MGRN1: variants seen among roughly 807,000 people sequenced by gnomAD.
The protein encoded by MGRN1 is mahogunin ring finger 1, also known as E3 ubiquitin-protein ligase MGRN1.
Under a neutral mutation model 69.2 loss-of-function variants are expected in MGRN1, and 29 were observed. That is an observed-to-expected ratio of 0.42 (90% CI 0.31 to 0.57). The LOEUF (loss-of-function observed/expected upper bound fraction) is 0.57. Ranked by LOEUF, MGRN1 falls within the 20% of genes least tolerant of loss-of-function variation. MGRN1 has a pLI of 0.15. For missense variants in MGRN1, 998 were observed against 796.2 expected (o/e 1.25, Z -3.05); for synonymous variants, 470 against 344.2 (o/e 1.37, Z -4.04).
chr16:4,683,541 T>G (rs841228), intron 15 of MGRN1, among the ~76,000 whole-genome samples: 76,677 of 150,868 alleles, frequency 0.51, 20,020 homozygotes, highest in East Asian at 0.67. Flanking sequence ...CATGAGCGTG[T>G]AATGTTTCTA....
At chr16:4,688,097 C>T in intron 16 of MGRN1, 1 of 985,586 alleles carries the variant, frequency 1.0e-6, no homozygotes, top group African/African-American at 1.7e-5. Context: ...AAAATAGACG[C>T]CCTTCACCGG....
chr16:4,631,845 C>G (rs78819425), intron 1 of MGRN1, among the ~76,000 whole-genome samples: 4,321 of 151,566 alleles, frequency 0.029, 220 homozygotes, highest in African/African-American at 0.099. Context: ...ACAGTGCTGA[C>G]TCTGGGAATC....
chr16:4,625,004 T>C lies in MGRN1; in HGVS notation c.44T>C (p.Ile15Thr). The change falls in exon 1 of 17, where the codon ATC (isoleucine) becomes ACC (threonine). Residue 15 changes from isoleucine to threonine, a missense_variant. Coordinates refer to ENST00000262370, the MANE Select transcript of MGRN1 (RefSeq NM_015246.4). ...CGCCGCATCGCGGGGGTGGAGGACA[T>C]CGACATCCAGGCGAACTCGGCCTAT... ...LSRRIAGVED[I>T]DIQANSAYRY... 1 of 1,560,878 alleles carries C rather than the reference T, an allele frequency of 6.4e-7. No individual in the cohort carries two copies. The highest frequency in any genetic ancestry group is 1.9e-5 in the Admixed American group (1 of 54,020).
At chr16:4,664,083 G>A (rs1189871528) in intron 5 of MGRN1, 2 of 153,478 alleles carry the variant, frequency 1.3e-5, no homozygotes, top group East Asian at 1.9e-4. Context: ...GCGCACCGGT[G>A]TCCAGTGCAG....
At chr16:4,662,325 G>A (rs1461225741) in intron 5 of MGRN1, among the ~76,000 whole-genome samples, 1 of 152,028 alleles carries the variant, frequency 6.6e-6, no homozygotes. Context: ...GACCAGCTTG[G>A]CCAACATGGT....
At chr16:4,648,525 C>T (rs1342331353) in intron 1 of MGRN1, among the ~76,000 whole-genome samples, 3 of 118,102 alleles carry the variant, frequency 2.5e-5, no homozygotes, top group African/African-American at 1.2e-4. Context: ...CCTCCCGGGG[C>T]TCTTCCCGTG....
intron 16 of MGRN1, chr16:4,686,972 C>T (rs778235149): frequency 2.7e-5 from 27 of 985,338 alleles, no homozygotes; most frequent in Non-Finnish European, 3.1e-5. Flanking sequence ...GAGTATCTTG[C>T]GTCCTGTCCT....
At chr16:4,650,298 C>G (rs1315217933) in intron 1 of MGRN1, 67 bp from the exon 2 acceptor site, 2 of 1,335,426 alleles carry the variant, frequency 1.5e-6, no homozygotes, top group Non-Finnish European at 2.1e-6. Context: ...CCACTGCACT[C>G]TAGCCTGAGA....
intron 9 of MGRN1, among the ~76,000 whole-genome samples, chr16:4,672,981 A>G (rs2078972155): frequency 6.6e-6 from 1 of 152,024 alleles, no homozygotes; most frequent in Non-Finnish European, 1.5e-5. Flanking sequence ...TGGAACTACA[A>G]GCACGTGCCA....
At chr16:4,680,932 G>A (rs2079169019) in intron 12 of MGRN1, among the ~76,000 whole-genome samples, 1 of 152,370 alleles carries the variant, frequency 6.6e-6, no homozygotes, top group Middle Eastern at 3.4e-3. Flanking sequence ...CCTCAACCTG[G>A]TTTTGTGGGG....
chr16:4,649,705 G>T (rs368498740), intron 1 of MGRN1: 36 of 152,726 alleles, frequency 2.4e-4, no homozygotes, highest in African/African-American at 8.4e-4. Context: ...TGGGTGTGGA[G>T]TAGGACCCGA....
chr16:4,645,400 C>T (rs1310314401), intron 1 of MGRN1, among the ~76,000 whole-genome samples: 1 of 152,146 alleles, frequency 6.6e-6, no homozygotes, highest in Admixed American at 6.6e-5. Context: ...AACTCTGGGG[C>T]TCGAGCGATC....
chr16:4,671,485 C>G (rs2078935995), intron 9 of MGRN1, 26 bp downstream of exon 9: 1 of 1,610,180 alleles, frequency 6.2e-7, no homozygotes, highest in South Asian at 1.1e-5. Context: ...AGGTTTCCCT[C>G]TGCCATTACA....
intron 1 of MGRN1, among the ~76,000 whole-genome samples, chr16:4,636,068 C>A (rs1481243316): frequency 6.6e-6 from 1 of 152,006 alleles, no homozygotes; most frequent in Non-Finnish European, 1.5e-5. Flanking sequence ...TCTGCAAGTG[C>A]TGGGATTACA....
intron 7 of MGRN1, among the ~76,000 whole-genome samples, chr16:4,665,356 C>G (rs969339788): frequency 6.7e-6 from 1 of 149,478 alleles, no homozygotes; most frequent in African/African-American, 2.5e-5. Flanking sequence ...GGAGGCTTAG[C>G]ATTTCCTTTT....
At position 4,689,217 on chromosome 16, in the gene MGRN1, C is replaced by T. The variant is rs1235925729; in HGVS notation, c.*309C>T. The T allele has an allele frequency of 2.5e-5, 8 of 316,652 alleles. No homozygotes were observed. Among genetic ancestry groups the T allele is most frequent in the African/African-American group, 4.2e-5 (2 of 47,194 alleles). 19.6% of individuals were successfully genotyped at this position (316,652 alleles called of 1,614,324 possible). Reference sequence around the variant, plus strand: ...GGGGCTGGGGCTGCCCACGTGTGGCCTCCGCTGGCTCTGCCTGCTCCTGCA... The same window carrying T: ...GGGGCTGGGGCTGCCCACGTGTGGCTTCCGCTGGCTCTGCCTGCTCCTGCA... On this transcript the variant is annotated 3_prime_UTR_variant, in exon 17 of 17. Coordinates refer to ENST00000262370, the MANE Select transcript of MGRN1 (RefSeq NM_015246.4).
At position 4,644,310 on chromosome 16, in the gene MGRN1, T is replaced by G. The variant is rs534723971; in HGVS notation, c.89-6055T>G. Among the ~76,000 whole-genome samples, 583 of 147,446 alleles carry G rather than the reference T, an allele frequency of 4.0e-3. 5 individuals carry two copies. Among genetic ancestry groups the G allele is most frequent in the Non-Finnish European group, 5.9e-3 (396 of 66,830 alleles). On this transcript the variant is annotated intron_variant, in intron 1 of 16. Transcript: ENST00000262370. The stretch of plus-strand genomic sequence containing the variant: ...CTTGGACCCCTCAATTACCAGTTTT[T>G]TTTTTTTTTTTTTTTTGATGGAGTT...
chr16:4,661,063 C>G (rs1170124747), intron 5 of MGRN1, among the ~76,000 whole-genome samples: 2 of 152,122 alleles, frequency 1.3e-5, no homozygotes, highest in Admixed American at 1.3e-4. Context: ...CTTGCCGCAG[C>G]CTCGAACTCC....
In MGRN1 at chr16:4,670,138, C is replaced by G. The variant is rs186354279; in HGVS notation, c.727-1253C>G. Among the ~76,000 whole-genome samples, 37 of 152,204 alleles carry G rather than the reference C, an allele frequency of 2.4e-4. 1 individual carries two copies. In the East Asian group the frequency reaches 6.9e-3, roughly 29 times the overall value. On this transcript the variant is annotated intron_variant, in intron 8 of 16. Transcript: ENST00000262370. The stretch of plus-strand genomic sequence containing the variant: ...GGAATGCAGTGGCGCGATCTCAGCT[C>G]ACTTCAACCTCTGTCTCCCAGGTTC...
Sources: gnomAD v4.1 joint callset for allele counts (sites outside exome capture counted in the v4.1 genomes callset) on GRCh38, gnomAD v4.1.1 for gene constraint, MANE v1.5 for transcripts, NCBI Gene and HGNC (gene_info 2026-07-23, HGNC 2026-07-21) for gene names.